Variants in AGMO observed in about 807,000 individuals in gnomAD.
AGMO encodes the protein alkylglycerol monooxygenase, also known as glyceryl-ether monooxygenase.
In AGMO, 75 loss-of-function variants were observed where a neutral mutation model predicts 60.2. The observed-to-expected ratio is 1.25, with a 90% CI of 1.03 to 1.51. The LOEUF (loss-of-function observed/expected upper bound fraction) is 1.51, where lower values mean the gene tolerates loss of function less well. Among genes scored for constraint, AGMO ranks in the 40% most tolerant of loss-of-function variants. The probability of loss-of-function intolerance (pLI) is 0.00; values close to 1 mark genes in which losing one functional copy is unlikely to be tolerated. For synonymous variants in AGMO, 261 were observed against 177.1 expected, an observed-to-expected ratio of 1.47 and a Z score of -3.76; for missense variants, 763 against 525.5, an observed-to-expected ratio of 1.45 and a Z score of -4.42.
At chr7:15,369,192 C>T (rs1783103054) in intron 10 of AGMO, among the ~76,000 whole-genome samples, 1 of 151,956 alleles carries the variant, frequency 6.6e-6, no homozygotes, top group South Asian at 2.1e-4. Flanking sequence ...AGATGATCTC[C>T]CCAACAATTG....
At chr7:15,485,078 A>G (rs1003806843) in intron 3 of AGMO, among the ~76,000 whole-genome samples, 1 of 150,652 alleles carries the variant, frequency 6.6e-6, no homozygotes, top group African/African-American at 2.4e-5. Context: ...CGGGTGGATC[A>G]TCGAGGTGAG....
At position 15,293,530 on chromosome 7, in the gene AGMO, G is replaced by C. The variant is rs566879565; in HGVS notation, c.1263+71984C>G. ...ATGCACCAACCTATAATTTATGTAAGTTATAAAAAAATGTTGAAACAACAA... is the reference window on the plus strand; with the variant it reads ...ATGCACCAACCTATAATTTATGTAACTTATAAAAAAATGTTGAAACAACAA... On this transcript the variant is annotated intron_variant, in intron 12 of 12. Coordinates refer to ENST00000342526, the MANE Select transcript of AGMO (RefSeq NM_001004320.2). Among the ~76,000 whole-genome samples, 290 of 152,118 alleles carry C rather than the reference G, an allele frequency of 1.9e-3. 1 individual carries two copies. The highest frequency in any genetic ancestry group is 6.7e-3 in the African/African-American group (276 of 41,476).
At chr7:15,320,932 A>G (rs1781090447) in intron 12 of AGMO, among the ~76,000 whole-genome samples, 2 of 152,192 alleles carry the variant, frequency 1.3e-5, no homozygotes, top group South Asian at 4.1e-4. Context: ...GCACAAGTTA[A>G]GGGTTTCAGC....
the AGMO span, among the ~76,000 whole-genome samples, chr7:15,134,824 G>A: frequency 1.3e-5 from 2 of 150,864 alleles, no homozygotes; most frequent in Non-Finnish European, 3.0e-5. Flanking sequence ...AAGATTTTCT[G>A]TAAAACACTT....
intron 12 of AGMO, chr7:15,306,101 G>C (rs1780604638): frequency 6.6e-6 from 1 of 152,442 alleles, no homozygotes; most frequent in Non-Finnish European, 1.5e-5. Context: ...CTAACAGATT[G>C]CATCCTTCAA....
Position 15,370,641 on chromosome 7 carries a change from G to C in AGMO, c.1075-4419C>G, listed in dbSNP as rs115601055. ...TTGATTTGCATTTCTCTAATGATTA[G>C]TGACGTTGATAATTTTTTCATGTTT... On this transcript the variant is annotated intron_variant, in intron 10 of 12. Coordinates refer to ENST00000342526, the MANE Select transcript of AGMO (RefSeq NM_001004320.2). Among the ~76,000 whole-genome samples the C allele has an allele frequency of 5.3e-3, 801 of 152,206 alleles. 11 individuals are homozygous for C. Among genetic ancestry groups the C allele is most frequent in the African/African-American group, 0.018 (754 of 41,548 alleles).
At chr7:15,142,963 A>C in the AGMO span, among the ~76,000 whole-genome samples, 1 of 152,238 alleles carries the variant, frequency 6.6e-6, no homozygotes. Flanking sequence ...ATACTGAAGC[A>C]AAGAGTTTAA....
In AGMO at chr7:15,387,399, TA is replaced by T; in HGVS notation, c.957+6del. The T allele has an allele frequency of 6.2e-7, 1 of 1,613,188 alleles. No individual in the cohort carries two copies. ...TCACCATCTCCAATTCTGTGAACTC[TA>T]TTTACCTCTGGAATTTCTTCACTGA... On this transcript the variant is annotated splice_donor_region_variant and intron_variant, in intron 9 of 12. Coordinates refer to ENST00000342526, the MANE Select transcript of AGMO (RefSeq NM_001004320.2).
chr7:15,459,955 T>C (rs951072455), intron 3 of AGMO, among the ~76,000 whole-genome samples: 1 of 152,122 alleles, frequency 6.6e-6, no homozygotes, highest in Non-Finnish European at 1.5e-5. Flanking sequence ...CATTCATTGA[T>C]AATTCATTTA....
At chr7:15,551,274 C>G (rs1306532626) in intron 2 of AGMO, among the ~76,000 whole-genome samples, 1 of 152,024 alleles carries the variant, frequency 6.6e-6, no homozygotes, top group Admixed American at 6.5e-5. Context: ...GGGATGCCCT[C>G]TCTCACCACT....
chr7:15,310,863 T>C (rs1161852921), intron 12 of AGMO, among the ~76,000 whole-genome samples: 1 of 152,186 alleles, frequency 6.6e-6, no homozygotes, highest in Non-Finnish European at 1.5e-5. Flanking sequence ...CTTTGCTTTT[T>C]CCAGCTTCTA....
At chr7:15,272,296 C>T (rs560182361) in intron 12 of AGMO, among the ~76,000 whole-genome samples, 2 of 116,364 alleles carry the variant, frequency 1.7e-5, no homozygotes, top group Non-Finnish European at 3.3e-5. Flanking sequence ...CACCCCACGA[C>T]AGTCCCAGGT....
chr7:15,405,612 C>T (rs1044449248), intron 5 of AGMO, among the ~76,000 whole-genome samples: 6 of 151,856 alleles, frequency 4.0e-5, no homozygotes, highest in Non-Finnish European at 8.8e-5. Context: ...TTGGCTTTTT[C>T]AAAATAAGTA....
At chr7:15,212,716 AT>A (rs1256879897) in intron 12 of AGMO, among the ~76,000 whole-genome samples, 5 of 151,900 alleles carry the variant, frequency 3.3e-5, no homozygotes, top group African/African-American at 1.2e-4. Flanking sequence ...TGAAGTAACC[AT>A]GATTCAGTGC....
At chr7:15,536,118 C>A (rs529121369) in intron 3 of AGMO, among the ~76,000 whole-genome samples, 14 of 151,824 alleles carry the variant, frequency 9.2e-5, no homozygotes, top group Non-Finnish European at 1.5e-4. Flanking sequence ...TATTAACTAT[C>A]TGACAGTCAC....
intron 12 of AGMO, among the ~76,000 whole-genome samples, chr7:15,320,908 C>G (rs1781089330): frequency 6.6e-6 from 1 of 152,082 alleles, no homozygotes; most frequent in Non-Finnish European, 1.5e-5. Context: ...TAAAGTTTAA[C>G]TGTTGTGTGA....
chr7:15,252,702 A>C (rs762895398), intron 12 of AGMO, among the ~76,000 whole-genome samples: 1 of 152,228 alleles, frequency 6.6e-6, no homozygotes, highest in Non-Finnish European at 1.5e-5. Flanking sequence ...TAACTGTCAG[A>C]AGCTCAGTTA....
intron 12 of AGMO, among the ~76,000 whole-genome samples, chr7:15,332,944 AATG>A (rs1781542553): frequency 6.6e-6 from 1 of 152,146 alleles, no homozygotes; most frequent in African/African-American, 2.4e-5. Context: ...ATGAAAGTTA[AATG>A]TATCAGTTCC....
intron 12 of AGMO, among the ~76,000 whole-genome samples, chr7:15,330,640 A>T (rs1254318877): frequency 6.6e-6 from 1 of 152,112 alleles, no homozygotes; most frequent in Non-Finnish European, 1.5e-5. Context: ...CCAACTACAC[A>T]TATTTTTTCT....
Sources: allele counts gnomAD v4.1 joint callset (sites outside exome capture counted in the v4.1 genomes callset), GRCh38; gene constraint gnomAD v4.1.1; transcripts MANE v1.5; gene names NCBI Gene and HGNC (gene_info 2026-07-23, HGNC 2026-07-21).